CRADD: variants seen among roughly 807,000 people sequenced by gnomAD.
CRADD encodes the protein death domain-containing protein CRADD.
Under a neutral mutation model 15.5 loss-of-function variants are expected in CRADD, and 9 were observed. That is an observed-to-expected ratio of 0.58 (90% CI 0.35 to 1.01). The LOEUF (loss-of-function observed/expected upper bound fraction) is 1.01, where lower values mean the gene tolerates loss of function less well. CRADD is among the 50% of genes least tolerant of loss of function. The pLI is 0.02. For synonymous variants in CRADD, 118 were observed against 107.6 expected (o/e 1.10, Z -0.60); for missense variants, 227 against 250.3 (o/e 0.91, Z 0.63).
chr12:93,707,176 A>G (rs939905605), intron 2 of CRADD, among the ~76,000 whole-genome samples: 3 of 152,200 alleles, frequency 2.0e-5, no homozygotes, highest in South Asian at 2.1e-4. Context: ...CCGTCTGTCA[A>G]TTTTATAAAT....
intron 2 of CRADD, among the ~76,000 whole-genome samples, chr12:93,769,614 T>C (rs1957061829): frequency 6.6e-6 from 1 of 152,234 alleles, no homozygotes; most frequent in African/African-American, 2.4e-5. Flanking sequence ...CCATCATCAA[T>C]TTATGTGAGT....
chr12:93,894,006 C>T (rs1013901348), intron 2 of CRADD: 6 of 702,248 alleles, frequency 8.5e-6, no homozygotes, highest in African/African-American at 3.5e-5. Context: ...CTCAGCTGAT[C>T]GCCATACTCC....
In CRADD at chr12:93,818,695, C is replaced by T. The variant is rs116488574; in HGVS notation, c.299-31275C>T. On this transcript the variant is annotated intron_variant, in intron 2 of 2. Transcript: ENST00000332896. ...GACAACAGAAAGGAGTGTCCCCAGA[C>T]CCCTGGCAGGGAGCAGACAGTGGCT... is the stretch of plus-strand genomic sequence containing the variant. 3.4e-3 allele frequency among the ~76,000 whole-genome samples: 520 copies of T among 152,326 alleles called. 1 individual carries two copies. Among genetic ancestry groups the T allele is most frequent in the African/African-American group, 0.012 (481 of 41,578 alleles).
chr12:93,838,145 C>T (rs1483819612), intron 2 of CRADD: 3 of 151,076 alleles, frequency 2.0e-5, no homozygotes, highest in African/African-American at 7.3e-5. Flanking sequence ...CTGTGAGGAC[C>T]AAATTGTTCT....
intron 2 of CRADD, among the ~76,000 whole-genome samples, chr12:93,860,659 G>A (rs1017876593): frequency 2.6e-5 from 4 of 152,164 alleles, no homozygotes; most frequent in Admixed American, 2.6e-4. Context: ...TGGGCAGAGG[G>A]AACAGTAAAA....
At chr12:93,849,902 C>T (rs1168113483) in intron 2 of CRADD, 68 bp from the exon 3 acceptor site, 11 of 941,126 alleles carry the variant, frequency 1.2e-5, no homozygotes, top group South Asian at 8.0e-5. Flanking sequence ...CCACGATTCT[C>T]ATTTCTGCCC....
intron 2 of CRADD, among the ~76,000 whole-genome samples, chr12:93,800,553 A>G (rs1957466054): frequency 6.6e-6 from 1 of 151,916 alleles, no homozygotes; most frequent in Non-Finnish European, 1.5e-5. Flanking sequence ...ACAAGATCTG[A>G]TGGTTTAAAA....
At chr12:93,756,929 C>T (rs1316858988) in intron 2 of CRADD, among the ~76,000 whole-genome samples, 2 of 152,216 alleles carry the variant, frequency 1.3e-5, no homozygotes, top group African/African-American at 4.8e-5. Context: ...CTGAACCCGC[C>T]ACTGACAGAA....
downstream of CRADD, among the ~76,000 whole-genome samples, chr12:93,853,123 T>C (rs559447535): frequency 4.6e-4 from 70 of 152,336 alleles, no homozygotes; most frequent in Middle Eastern, 3.4e-3. Context: ...TAAAAAGTGT[T>C]ATATTTTCCA....
intron 2 of CRADD, among the ~76,000 whole-genome samples, chr12:93,812,405 CA>C (rs1195240251): frequency 3.3e-5 from 5 of 150,566 alleles, no homozygotes; most frequent in Admixed American, 6.7e-5. Context: ...TAGTGGACTT[CA>C]AAAAAAATTC....
chr12:93,789,165 G>C (rs908021077), intron 2 of CRADD, among the ~76,000 whole-genome samples: 2 of 151,854 alleles, frequency 1.3e-5, no homozygotes, highest in African/African-American at 2.4e-5. Flanking sequence ...CAGAGTACCA[G>C]AGTTTTTCTG....
chr12:93,820,211 A>AATC (rs1196454817), intron 2 of CRADD, among the ~76,000 whole-genome samples: 1 of 152,108 alleles, frequency 6.6e-6, no homozygotes, highest in African/African-American at 2.4e-5. Context: ...TGAGTTCAAG[A>AATC]ATCATCATCA....
At chr12:93,681,851 C>T (rs566714435) in intron 2 of CRADD, among the ~76,000 whole-genome samples, 2 of 151,754 alleles carry the variant, frequency 1.3e-5, no homozygotes, top group Non-Finnish European at 1.5e-5. Context: ...TCCTGTATAC[C>T]GTAAGTTCTA....
At chr12:93,716,012 A>T (rs1200661633) in intron 2 of CRADD, among the ~76,000 whole-genome samples, 1 of 151,962 alleles carries the variant, frequency 6.6e-6, no homozygotes, top group Admixed American at 6.6e-5. Context: ...GATGCCTGTA[A>T]TCCAAGCTAC....
chr12:93,884,534 G>C (rs1958522850), intron 2 of CRADD, among the ~76,000 whole-genome samples: 1 of 152,128 alleles, frequency 6.6e-6, no homozygotes, highest in Non-Finnish European at 1.5e-5. Context: ...ACGGGGTGGG[G>C]CCTCGGGAAG....
At chr12:93,714,882 T>C (rs1283922972) in intron 2 of CRADD, 1 of 152,186 alleles carries the variant, frequency 6.6e-6, no homozygotes, top group Non-Finnish European at 1.5e-5. Context: ...AAGTGAATGT[T>C]TGCTCTTCTA....
chr12:93,683,587 C>T (rs905829387), intron 2 of CRADD, among the ~76,000 whole-genome samples: 1 of 152,202 alleles, frequency 6.6e-6, no homozygotes, highest in Non-Finnish European at 1.5e-5. Flanking sequence ...GCTGCTCTTA[C>T]AACAGCAGTG....
intron 2 of CRADD, among the ~76,000 whole-genome samples, chr12:93,789,102 C>G (rs1298104373): frequency 6.6e-6 from 1 of 151,904 alleles, no homozygotes; most frequent in Non-Finnish European, 1.5e-5. Flanking sequence ...CTCCCCTGCC[C>G]CATCTTTCTC....
intron 2 of CRADD, among the ~76,000 whole-genome samples, chr12:93,884,640 T>G (rs909576467): frequency 3.3e-5 from 5 of 152,108 alleles, no homozygotes; most frequent in African/African-American, 1.2e-4. Flanking sequence ...GCTAGCAGGA[T>G]TTTCTCTCAC....
Sources: allele counts gnomAD v4.1 joint callset (sites outside exome capture counted in the v4.1 genomes callset), GRCh38; gene constraint gnomAD v4.1.1; transcripts MANE v1.5; gene names NCBI Gene and HGNC (gene_info 2026-07-23, HGNC 2026-07-21).